Variants in SYNE2 observed in about 807,000 individuals in gnomAD.
The protein encoded by SYNE2 is nesprin-2.
In SYNE2, 431 loss-of-function variants were observed where a neutral mutation model predicts 856.3. That is an observed-to-expected ratio of 0.50 (90% CI 0.47 to 0.55). The LOEUF is 0.55. SYNE2 is among the 20% of genes least tolerant of loss of function. The probability of loss-of-function intolerance (pLI) is 0.00; values close to 1 mark genes in which losing one functional copy is unlikely to be tolerated. For missense variants in SYNE2, 8,129 were observed against 8,023.2 expected (o/e 1.01, Z -0.50); for synonymous variants, 2,923 against 2,872.3 (o/e 1.02, Z -0.56).
intron 58 of SYNE2, 65 bp from the exon 59 acceptor site, chr14:64,089,509 A>C: frequency 2.0e-6 from 3 of 1,514,462 alleles, no homozygotes; most frequent in Non-Finnish European, 2.7e-6. Flanking sequence ...TAATGCCAAT[A>C]AACTGTTTTA....
At position 63,826,194 on chromosome 14, in the gene SYNE2, C is replaced by T. The variant is rs185991330; in HGVS notation, c.-304-26307C>T. On this transcript the variant is annotated intron_variant, in intron 1 of 23. Transcript: ENST00000674003. ...AGATAGTGTGGTATTGGCATAAAGGCAGATACATAGATCAATGGAATAGCA... is the reference window on the plus strand; with the variant it reads ...AGATAGTGTGGTATTGGCATAAAGGTAGATACATAGATCAATGGAATAGCA... Among the ~76,000 whole-genome samples the T allele has an allele frequency of 1.1e-4, 17 of 152,278 alleles. 1 individual carries two copies. The East Asian group carries it at 3.3e-3, about 29-fold the overall frequency.
intron 1 of SYNE2, among the ~76,000 whole-genome samples, chr14:63,894,869 C>G (rs1243001001): frequency 6.6e-6 from 1 of 152,108 alleles, no homozygotes; most frequent in African/African-American, 2.4e-5. Flanking sequence ...TTCTATGGGA[C>G]TCCGGCTATT....
At chr14:64,193,953 G>A (rs920022313) in intron 99 of SYNE2, among the ~76,000 whole-genome samples, 6 of 152,148 alleles carry the variant, frequency 3.9e-5, no homozygotes, top group East Asian at 3.8e-4. Context: ...AATTCTGCCC[G>A]GGACAGGAAT....
rs1567437944 is a variant in SYNE2 at position 64,141,369 on chromosome 14, C to G, written c.15005C>G (p.Ser5002Cys). Residue 5002 changes from serine to cysteine, a missense_variant, in exon 81 of 116, where the codon TCC (serine) becomes TGC (cysteine). Transcript: ENST00000555002. ...FEFSKEVDEK[S>C]SLKTAVISIG... ...TTTTCAAAAGAAGTTGATGAAAAAT[C>G]CTCCTTGAAGACTGCCGTTATCAGT... 4 of 1,613,484 alleles carry G rather than the reference C, an allele frequency of 2.5e-6. No homozygotes were observed. The highest frequency in any genetic ancestry group is 2.5e-6 in the Non-Finnish European group (3 of 1,179,840).
rs1204839640 is a variant in SYNE2 at position 64,100,531 on chromosome 14, AATATATATAT to A, written c.12382-1370_12382-1361del. On this transcript the variant is annotated intron_variant, in intron 63 of 115. Coordinates refer to ENST00000555002, the MANE Select transcript of SYNE2 (RefSeq NM_182914.3). ...AACTGTCTCAAAAAAAAAAAAAAAA[AATATATATAT>A]ATATATATATATATATATATATATA... is the stretch of plus-strand genomic sequence containing the variant. Among the ~76,000 whole-genome samples the A allele has an allele frequency of 4.1e-3, 163 of 39,392 alleles. 3 individuals carry two copies. The highest frequency in any genetic ancestry group is 0.011 in the African/African-American group (118 of 10,788). The allele number at this position is 39,392 out of a possible 152,430, so 25.8% of individuals were successfully genotyped here.
chr14:63,812,166 C>T (rs920207311), intron 1 of SYNE2, among the ~76,000 whole-genome samples: 11 of 152,144 alleles, frequency 7.2e-5, no homozygotes, highest in African/African-American at 2.7e-4. Flanking sequence ...AAGACAGACA[C>T]TCCCAGAGCG....
chr14:63,948,800 A>ATGTG (rs74216992), intron 6 of SYNE2, among the ~76,000 whole-genome samples: 3,108 of 100,462 alleles, frequency 0.031, 359 homozygotes, highest in South Asian at 0.058. Context: ...ATATATATAT[A>ATGTG]TATATATATA....
chr14:63,978,793 A>G (rs1422364367), intron 13 of SYNE2, 59 bp from the exon 14 acceptor site: 3 of 1,447,224 alleles, frequency 2.1e-6, no homozygotes, highest in African/African-American at 1.4e-5. Context: ...TGCTGAACAG[A>G]TTTCTCACAT....
chr14:64,191,027 C>T (rs2098516125), intron 99 of SYNE2: 1 of 702,260 alleles, frequency 1.4e-6, no homozygotes, highest in Non-Finnish European at 2.6e-6. Context: ...GGGTCCTTTC[C>T]ATAGCAGTGT....
rs117842585 is a variant in SYNE2 at position 64,077,409 on chromosome 14, G to A, written c.11023-1057G>A. 6.5e-3 allele frequency among the ~76,000 whole-genome samples: 977 copies of A among 150,914 alleles called. 3 individuals carry two copies. The highest frequency in any genetic ancestry group is 0.011 in the Non-Finnish European group (746 of 67,824). On this transcript the variant is annotated intron_variant, in intron 54 of 115. Transcript: ENST00000555002. ...GATTTTTTTTTTTTCTAATAATATT[G>A]ACTGCAGTATGGTCTGGGGAATAAA...
At chr14:64,193,862 CAA>C (rs576992370) in intron 99 of SYNE2, among the ~76,000 whole-genome samples, 203 of 152,300 alleles carry the variant, frequency 1.3e-3, no homozygotes, top group Non-Finnish European at 2.1e-3. Context: ...AACAACACTG[CAA>C]AGTCAGTGTG....
rs2153657466 is a variant in SYNE2, at chr14:64,113,342, G to A, written c.12611G>A (p.Gly4204Asp). The A allele has an allele frequency of 2.5e-6, 4 of 1,613,602 alleles. No homozygotes were observed. Among genetic ancestry groups the A allele is most frequent in the East Asian group, 4.5e-5 (2 of 44,882 alleles). Residue 4204 changes from glycine to aspartate, a missense_variant and splice_region_variant, in exon 66 of 116, where the codon GGC (glycine) becomes GAC (aspartate). By Grantham distance (94) the Gly-to-Asp change is moderately conservative. Coordinates refer to ENST00000555002, the MANE Select transcript of SYNE2 (RefSeq NM_182914.3). ...CSLRPNQTEE[G>D]TTPPIEADTL... The stretch of plus-strand genomic sequence containing the variant: ...GGCTTATCTTTGGATTTCTCTTAGG[G>A]CACCACACCTCCTATTGAGGCTGAC...
Position 64,113,495 on chromosome 14 carries a change from C to T in SYNE2, c.12764C>T (p.Ala4255Val), listed in dbSNP as rs761740176. 1.9e-6 allele frequency: 3 copies of T among 1,614,072 alleles called. No individual in the cohort carries two copies. The highest frequency in any genetic ancestry group is 2.2e-5 in the East Asian group (1 of 44,866). Reference sequence around the variant, plus strand: ...GAGCTGGAGCTGTGGCTGCAACAAGCCAACGTGGCAGTTGAGCCGGAAACA... The same window carrying T: ...GAGCTGGAGCTGTGGCTGCAACAAGTCAACGTGGCAGTTGAGCCGGAAACA... ...VAELELWLQQ[A>V]NVAVEPETLN... The change falls in exon 66 of 116, where the codon GCC (alanine) becomes GTC (valine). Residue 4255 changes from alanine (A) to valine (V), a missense_variant. Ala to Val is a moderately conservative substitution (Grantham distance 64). Transcript: ENST00000555002.
intron 1 of SYNE2, among the ~76,000 whole-genome samples, chr14:63,847,320 G>A (rs1208763189): frequency 6.6e-6 from 1 of 151,546 alleles, no homozygotes; most frequent in African/African-American, 2.4e-5. Context: ...TGGGTGTGGT[G>A]GCATGTGCCT....
intron 30 of SYNE2, 71 bp downstream of exon 30, chr14:64,003,401 A>C: frequency 6.3e-7 from 1 of 1,581,918 alleles, no homozygotes; most frequent in South Asian, 1.1e-5. Context: ...TGTTAGGTGA[A>C]AGAAATTCTT....
intron 63 of SYNE2, 149 bp downstream of exon 63, chr14:64,098,970 T>C: frequency 1.3e-6 from 1 of 781,474 alleles, no homozygotes; most frequent in Non-Finnish European, 2.1e-6. Flanking sequence ...TCTCTTATGT[T>C]ATTAATGTTT....
intron 83 of SYNE2, among the ~76,000 whole-genome samples, 167 bp downstream of exon 83, chr14:64,144,115 A>G (rs1264366952): frequency 6.6e-6 from 1 of 152,204 alleles, no homozygotes; most frequent in African/African-American, 2.4e-5. Context: ...ATTGGTACCT[A>G]TAAGAGAATA....
In SYNE2 at chr14:64,190,092, TTGTTTAG is replaced by T. The variant is rs1567596717; in HGVS notation, c.17896_17902del (p.Phe5966LysfsTer6). On this transcript the variant is annotated frameshift_variant, in exon 99 of 116. Coordinates refer to ENST00000555002, the MANE Select transcript of SYNE2 (RefSeq NM_182914.3). LOFTEE classifies it high-confidence loss of function. The stretch of plus-strand genomic sequence containing the variant: ...CCAGGACTGCATGGAAGAAATAAAC[TTGTTTAG>T]TGAAAACAAGTTACAGTTAAAGCAG... 6.2e-7 allele frequency: 1 copy of T among 1,614,038 alleles called. No individual in the cohort carries two copies. The highest frequency in any genetic ancestry group is 8.5e-7 in the Non-Finnish European group (1 of 1,180,008).
intron 2 of SYNE2, among the ~76,000 whole-genome samples, chr14:63,928,901 C>A (rs2095707639): frequency 6.6e-6 from 1 of 152,112 alleles, no homozygotes; most frequent in Non-Finnish European, 1.5e-5. Flanking sequence ...AACAGGGTCT[C>A]ATTAGCACAT....
Sources: gnomAD v4.1 joint callset for allele counts (sites outside exome capture counted in the v4.1 genomes callset) on GRCh38, gnomAD v4.1.1 for gene constraint, MANE v1.5 for transcripts, NCBI Gene and HGNC (gene_info 2026-07-23, HGNC 2026-07-21) for gene names.